ARNT2: variants seen among roughly 807,000 people sequenced by gnomAD.
ARNT2 encodes ARNT protein 2.
In ARNT2, 36 loss-of-function variants were observed where a neutral mutation model predicts 91.7. That is an observed-to-expected ratio of 0.39 (90% CI 0.30 to 0.52). The LOEUF (loss-of-function observed/expected upper bound fraction) is 0.52, where lower values mean the gene tolerates loss of function less well. Ranked by LOEUF, ARNT2 falls within the 20% of genes least tolerant of loss-of-function variation. ARNT2 has a pLI of 0.72. For synonymous variants in ARNT2, 365 were observed against 347.1 expected (o/e 1.05, Z -0.57); for missense variants, 775 against 939.3 (o/e 0.83, Z 2.29).
At chr15:80,457,875 C>T in intron 2 of ARNT2, 54 bp from the exon 3 acceptor site, 4 of 1,588,066 alleles carry the variant, frequency 2.5e-6, no homozygotes, top group Non-Finnish European at 2.6e-6. Context: ...CTCCTGTTAC[C>T]AGTTAAAATG....
chr15:80,539,382 A>G (rs1021126281), intron 8 of ARNT2, among the ~76,000 whole-genome samples: 1 of 152,168 alleles, frequency 6.6e-6, no homozygotes, highest in Non-Finnish European at 1.5e-5. Flanking sequence ...TTGACAAAAT[A>G]TAAGTTTAGG....
intron 1 of ARNT2, among the ~76,000 whole-genome samples, chr15:80,409,278 G>C (rs553356109): frequency 2.0e-5 from 3 of 152,072 alleles, no homozygotes. Context: ...TGTTTTTACT[G>C]TCTCCATAGT....
intron 5 of ARNT2, among the ~76,000 whole-genome samples, chr15:80,483,106 C>T (rs1896913956): frequency 6.6e-6 from 1 of 152,172 alleles, no homozygotes; most frequent in Non-Finnish European, 1.5e-5. Context: ...CTGGTAAAAT[C>T]TGTTAAGTGT....
intron 1 of ARNT2, among the ~76,000 whole-genome samples, chr15:80,410,633 A>G (rs954778426): frequency 1.3e-5 from 2 of 152,186 alleles, no homozygotes; most frequent in African/African-American, 4.8e-5. Context: ...TCCAAGTACC[A>G]TAGTTCCCAA....
chr15:80,474,986 C>G, intron 4 of ARNT2, 24 bp from the exon 5 acceptor site: 1 of 1,611,188 alleles, frequency 6.2e-7, no homozygotes, highest in South Asian at 1.1e-5. Context: ...GTGTATTGTG[C>G]CAATCATAAT....
At chr15:80,540,261 A>G (rs939609194) in intron 8 of ARNT2, among the ~76,000 whole-genome samples, 1 of 152,204 alleles carries the variant, frequency 6.6e-6, no homozygotes, top group African/African-American at 2.4e-5. Flanking sequence ...GCACCATTTT[A>G]CATTTCCACC....
At chr15:80,576,324 TGGAGTGCA>T (rs1898673804) in intron 14 of ARNT2, among the ~76,000 whole-genome samples, 1 of 152,112 alleles carries the variant, frequency 6.6e-6, no homozygotes, top group Admixed American at 6.5e-5. Context: ...TCGCCCAGGC[TGGAGTGCA>T]GTGGCGTGAT....
Position 80,454,248 on chromosome 15 carries a change from G to C in ARNT2, c.146+3254G>C, listed in dbSNP as rs545579427. Among the ~76,000 whole-genome samples the C allele has an allele frequency of 4.6e-5, 7 of 152,214 alleles. No homozygotes were observed. In the East Asian group the frequency reaches 1.4e-3, roughly 30 times the overall value. ...CCTGATCTCAGTGACAGGGTGGTGA[G>C]GGGTGGGGGGCTTCACTGGGGCAAA... On this transcript the variant is annotated intron_variant, in intron 2 of 18. Coordinates refer to ENST00000303329, the MANE Select transcript of ARNT2 (RefSeq NM_014862.4).
chr15:80,441,111 C>A (rs1032833106), intron 1 of ARNT2: 9 of 620,246 alleles, frequency 1.5e-5, no homozygotes, highest in Non-Finnish European at 1.8e-5. Context: ...CATAGGAAAT[C>A]CAAGTAACCG....
rs1198626475 is a variant in ARNT2, at chr15:80,514,366, G to C, written c.838G>C (p.Val280Leu). The part of the protein sequence containing the change: ...VKEGEAQYAV[V>L]HCTGYIKAWP... ...AGAAGGAGAAGCCCAATATGCTGTG[G>C]TCCACTGTACAGGATACATCAAGGC... is the stretch of plus-strand genomic sequence containing the variant. The change falls in exon 8 of 19, where the codon GTC becomes CTC. Residue 280 changes from valine to leucine, a missense_variant. Val to Leu is a conservative substitution (Grantham distance 32, BLOSUM62 1). Transcript: ENST00000303329. 1 of 1,614,182 alleles carries C rather than the reference G, an allele frequency of 6.2e-7. No homozygotes were observed. Among genetic ancestry groups the C allele is most frequent in the South Asian group, 1.1e-5 (1 of 91,086 alleles).
intron 8 of ARNT2, among the ~76,000 whole-genome samples, chr15:80,549,057 G>A (rs1199201242): frequency 6.6e-6 from 1 of 152,130 alleles, no homozygotes; most frequent in Non-Finnish European, 1.5e-5. Context: ...ATTGGGCAGT[G>A]CAATAGAAGA....
At position 80,591,747 on chromosome 15, in the gene ARNT2, T is replaced by C; in HGVS notation, c.2055+43T>C. On this transcript the variant is annotated intron_variant, in intron 18 of 18. Transcript: ENST00000303329. The surrounding 1 kb of genome is among the most constrained non-coding windows in gnomAD (Gnocchi z 5.1). ...CGCCTTCTCGTAGGTACCGGCGCCT[T>C]CTCTCTGCTTCCTTTCCCCCTCGGT... is the stretch of plus-strand genomic sequence containing the variant. The C allele has an allele frequency of 1.2e-6, 2 of 1,608,386 alleles. No individual in the cohort carries two copies. Among genetic ancestry groups the C allele is most frequent in the South Asian group, 2.2e-5 (2 of 90,854 alleles).
chr15:80,593,923 T>G lies in ARNT2; in HGVS notation c.*225T>G. 2 of 550,204 alleles carry G rather than the reference T, an allele frequency of 3.6e-6. No individual in the cohort carries two copies. The highest frequency in any genetic ancestry group is 4.8e-5 in the South Asian group (2 of 41,902). 34.1% of individuals were successfully genotyped at this position (550,204 alleles called of 1,614,324 possible). On this transcript the variant is annotated 3_prime_UTR_variant, in exon 19 of 19. Coordinates refer to ENST00000303329, the MANE Select transcript of ARNT2 (RefSeq NM_014862.4). ...CCCTGGCAGACATTAGGGGATCAGT[T>G]GTATTTATTGTATTTTATCTGTGTG...
chr15:80,468,216 G>A (rs1339841398), intron 3 of ARNT2, among the ~76,000 whole-genome samples: 7 of 151,958 alleles, frequency 4.6e-5, no homozygotes, highest in Non-Finnish European at 7.4e-5. Context: ...ATCCTTTGTG[G>A]GTGGGAGAGA....
intron 2 of ARNT2, among the ~76,000 whole-genome samples, chr15:80,454,418 A>G (rs1317698501): frequency 6.6e-6 from 1 of 152,176 alleles, no homozygotes; most frequent in African/African-American, 2.4e-5. Context: ...CTAAAATAGC[A>G]TCACTGAGGA....
intron 8 of ARNT2, among the ~76,000 whole-genome samples, chr15:80,532,358 A>G (rs1225754910): frequency 1.3e-5 from 2 of 151,856 alleles, no homozygotes; most frequent in East Asian, 3.9e-4. Flanking sequence ...CATGATGACC[A>G]TTTTCTCTTT....
chr15:80,460,689 G>A (rs1392810424), intron 3 of ARNT2, among the ~76,000 whole-genome samples: 1 of 152,240 alleles, frequency 6.6e-6, no homozygotes, highest in Admixed American at 6.5e-5. Context: ...ACTGCAGTGG[G>A]CTGAGGACTG....
chr15:80,560,949 C>T (rs1294910409), intron 11 of ARNT2, among the ~76,000 whole-genome samples: 1 of 152,238 alleles, frequency 6.6e-6, no homozygotes, highest in Non-Finnish European at 1.5e-5. Flanking sequence ...TCCGCAGGCT[C>T]AGATCTTGTC....
Position 80,593,692 on chromosome 15 carries a change from T to G in ARNT2, c.2148T>G (p.Ser716=). The G allele has an allele frequency of 6.2e-7, 1 of 1,602,556 alleles. No homozygotes were observed. The highest frequency in any genetic ancestry group is 8.5e-7 in the Non-Finnish European group (1 of 1,173,178). The change falls in exon 19 of 19, where the codon TCT becomes TCG. Residue 716 remains serine, a synonymous_variant. Coordinates refer to ENST00000303329, the MANE Select transcript of ARNT2 (RefSeq NM_014862.4). ...FADLGMFPPF[S]E ...ACCTGGGCATGTTTCCACCGTTTTC[T>G]GAGTAGCTGCGGCCAGAGTGAGGCT...
Sources: allele counts gnomAD v4.1 joint callset (sites outside exome capture counted in the v4.1 genomes callset), GRCh38; gene constraint gnomAD v4.1.1; non-coding constraint Gnocchi (gnomAD v3.1); transcripts MANE v1.5; gene names NCBI Gene and HGNC (gene_info 2026-07-23, HGNC 2026-07-21).